Variants in MYO1B observed in about 807,000 individuals in gnomAD.
MYO1B encodes the protein unconventional myosin-Ib.
A neutral mutation model predicts 159.7 loss-of-function variants in MYO1B; 72 were observed. The observed-to-expected ratio is 0.45, with a 90% confidence interval of 0.37 to 0.55. The LOEUF is 0.55. Among genes scored for constraint, MYO1B ranks in the 20% least tolerant of loss-of-function variants. MYO1B has a pLI of 0.00. For missense variants in MYO1B, 1,062 were observed against 1,364.8 expected (o/e 0.78, Z 3.50); for synonymous variants, 468 against 473.8 (o/e 0.99, Z 0.16).
intron 13 of MYO1B, among the ~76,000 whole-genome samples, chr2:191,374,921 G>A (rs927928096): frequency 1.3e-5 from 2 of 152,126 alleles, no homozygotes; most frequent in Non-Finnish European, 2.9e-5. Flanking sequence ...TTTGAAAAAA[G>A]ATATTAAGTT....
intron 2 of MYO1B, among the ~76,000 whole-genome samples, chr2:191,287,063 T>C (rs909472041): frequency 9.9e-5 from 15 of 152,234 alleles, no homozygotes; most frequent in African/African-American, 3.6e-4. Flanking sequence ...TTTGGCTCTT[T>C]ACAGTAGCCA....
intron 3 of MYO1B, among the ~76,000 whole-genome samples, chr2:191,301,211 T>A (rs2125829687): frequency 6.6e-6 from 1 of 152,342 alleles, no homozygotes; most frequent in Admixed American, 6.5e-5. Flanking sequence ...CTTTCCAGTA[T>A]GATTTTTAAC....
At chr2:191,390,618 C>CCTT in intron 18 of MYO1B, 126 bp downstream of exon 18, 1 of 1,112,674 alleles carries the variant, frequency 9.0e-7, no homozygotes, top group Non-Finnish European at 1.2e-6. Flanking sequence ...CTGTTTTGGA[C>CCTT]CTTCTTCCAT....
chr2:191,298,831 A>G (rs1458367574), intron 3 of MYO1B, among the ~76,000 whole-genome samples: 1 of 152,168 alleles, frequency 6.6e-6, no homozygotes, highest in Non-Finnish European at 1.5e-5. Flanking sequence ...AACTTATCCA[A>G]AGCCACACAG....
intron 21 of MYO1B, among the ~76,000 whole-genome samples, chr2:191,399,470 G>C (rs1124536): frequency 0.01 from 1,554 of 152,338 alleles, 61 homozygotes; most frequent in Admixed American, 0.076. Flanking sequence ...GCGATAGACT[G>C]TGTGACCTTC....
chr2:191,287,046 G>C lies in MYO1B; in HGVS notation c.136-9065G>C, dbSNP rs117579414. ...TAACATATTTTATGTAGACTTTCAA[G>C]TCCTGATTTGGCTCTTTACAGTAGC... On this transcript the variant is annotated intron_variant, in intron 2 of 30. Coordinates refer to ENST00000392318, the MANE Select transcript of MYO1B (RefSeq NM_001130158.3). Among the ~76,000 whole-genome samples the C allele has an allele frequency of 6.8e-4, 104 of 152,314 alleles. 1 individual carries two copies. In the East Asian group the frequency reaches 0.013, roughly 19 times the overall value.
At chr2:191,399,856 C>G (rs371418805) in intron 21 of MYO1B, among the ~76,000 whole-genome samples, 2 of 152,160 alleles carry the variant, frequency 1.3e-5, no homozygotes, top group African/African-American at 4.8e-5. Context: ...GAGGAAGGAC[C>G]CAAAGTCCAC....
intron 3 of MYO1B, among the ~76,000 whole-genome samples, chr2:191,303,011 T>G (rs1689428747): frequency 6.6e-6 from 1 of 152,216 alleles, no homozygotes; most frequent in South Asian, 2.1e-4. Flanking sequence ...TTGTGTGTTT[T>G]GAGTCTTTGT....
At chr2:191,373,544 C>T (rs546229727) in intron 13 of MYO1B, among the ~76,000 whole-genome samples, 2 of 152,148 alleles carry the variant, frequency 1.3e-5, no homozygotes, top group Admixed American at 6.5e-5. Flanking sequence ...GGGAGGCCAA[C>T]GTGCGTGGAT....
chr2:191,287,851 C>T lies in MYO1B; in HGVS notation c.136-8260C>T, dbSNP rs150546025. 4.6e-3 allele frequency among the ~76,000 whole-genome samples: 693 copies of T among 149,198 alleles called. 2 individuals are homozygous for T. The highest frequency in any genetic ancestry group is 8.1e-3 in the Non-Finnish European group (545 of 67,534). On this transcript the variant is annotated intron_variant, in intron 2 of 30. Transcript: ENST00000392318. ...TTACGTGAAGTTCAAAGGCTCTCTA[C>T]AGTTTGATCTCAGTCTTTTTTTTTT...
chr2:191,333,082 T>C (rs1691597170), intron 4 of MYO1B, among the ~76,000 whole-genome samples: 1 of 152,234 alleles, frequency 6.6e-6, no homozygotes, highest in African/African-American at 2.4e-5. Flanking sequence ...CTGATCCATA[T>C]GAAAATTGCC....
At chr2:191,271,820 G>A (rs1687471665) in intron 1 of MYO1B, among the ~76,000 whole-genome samples, 2 of 152,162 alleles carry the variant, frequency 1.3e-5, no homozygotes, top group South Asian at 4.1e-4. Flanking sequence ...GAATTACCAT[G>A]CTGGATGTGC....
chr2:191,405,310 GT>G (rs1390982120), intron 24 of MYO1B, among the ~76,000 whole-genome samples: 1 of 152,180 alleles, frequency 6.6e-6, no homozygotes, highest in Non-Finnish European at 1.5e-5. Context: ...CACATCTGCA[GT>G]TACTTCCTCC....
intron 3 of MYO1B, among the ~76,000 whole-genome samples, chr2:191,325,742 C>T (rs1691016078): frequency 6.6e-6 from 1 of 152,060 alleles, no homozygotes; most frequent in African/African-American, 2.4e-5. Flanking sequence ...AAAGCAGAAC[C>T]ACTCTGACGA....
intron 2 of MYO1B, among the ~76,000 whole-genome samples, chr2:191,283,044 T>C (rs1328727231): frequency 6.6e-6 from 1 of 152,210 alleles, no homozygotes; most frequent in Non-Finnish European, 1.5e-5. Context: ...CAGCAAATCA[T>C]GAGGGTGAAG....
At chr2:191,333,487 T>C (rs938233141) in intron 4 of MYO1B, among the ~76,000 whole-genome samples, 1 of 152,184 alleles carries the variant, frequency 6.6e-6, no homozygotes, top group Non-Finnish European at 1.5e-5. Context: ...ATCCCTTTCC[T>C]AATTTTGTCA....
intron 2 of MYO1B, among the ~76,000 whole-genome samples, chr2:191,277,868 A>G (rs982978556): frequency 6.6e-6 from 1 of 152,194 alleles, no homozygotes; most frequent in Non-Finnish European, 1.5e-5. Context: ...TAAAATGTGC[A>G]TCTGTGCATG....
At chr2:191,341,681 G>C in intron 5 of MYO1B, 116 bp downstream of exon 5, 1 of 745,398 alleles carries the variant, frequency 1.3e-6, no homozygotes, top group Non-Finnish European at 2.2e-6. Context: ...GGAAGGAAGA[G>C]ATTCAGGCCA....
intron 26 of MYO1B, among the ~76,000 whole-genome samples, chr2:191,410,427 C>T (rs560549674): frequency 6.6e-6 from 1 of 152,338 alleles, no homozygotes; most frequent in African/African-American, 2.4e-5. Flanking sequence ...GCCACTGTCT[C>T]CTCTCATTGC....
Sources: allele counts gnomAD v4.1 joint callset (sites outside exome capture counted in the v4.1 genomes callset), GRCh38; gene constraint gnomAD v4.1.1; transcripts MANE v1.5; gene names NCBI Gene and HGNC (gene_info 2026-07-23, HGNC 2026-07-21).